MAMDC4: variants seen among roughly 807,000 people sequenced by gnomAD.
The protein encoded by MAMDC4 is MAM domain containing 4.
A neutral mutation model predicts 153.3 loss-of-function variants in MAMDC4; 168 were observed. That is an observed-to-expected ratio of 1.10 (90% CI 0.97 to 1.25). MAMDC4 has a LOEUF of 1.25. MAMDC4 is among the 50% of genes most tolerant of loss of function. The pLI is 0.00. For missense variants in MAMDC4, 1,701 were observed against 1,542.8 expected, an observed-to-expected ratio of 1.10 and a Z score of -1.72; for synonymous variants, 744 against 651.5, an observed-to-expected ratio of 1.14 and a Z score of -2.16.
rs573715680 is a variant in MAMDC4 at position 136,855,292 on chromosome 9, G to T, written c.1236G>T (p.Val412=). 1 of 1,605,376 alleles carries T rather than the reference G, an allele frequency of 6.2e-7. No individual in the cohort carries two copies. Residue 412 remains valine (V), a synonymous_variant, in exon 11 of 27, where the codon GTG becomes GTT. Coordinates refer to ENST00000317446, the MANE Select transcript of MAMDC4 (RefSeq NM_206920.3). ...GGCAGACAGGCCCGGGGGGCGTCGT[G>T]GGTCTGGACGACCTCATCCTGTCTG... is the stretch of plus-strand genomic sequence containing the variant. ...LAGQTGPGGV[V]GLDDLILSDH...
intron 22 of MAMDC4, 68 bp downstream of exon 22, chr9:136,858,614 G>A: frequency 1.4e-5 from 22 of 1,583,036 alleles, no homozygotes; most frequent in Non-Finnish European, 1.8e-5. Context: ...CCCACCCACA[G>A]AGTACATGCC....
At chr9:136,857,923 C>G in intron 19 of MAMDC4, 56 bp from the exon 20 acceptor site, 1 of 1,472,978 alleles carries the variant, frequency 6.8e-7, no homozygotes, top group African/African-American at 1.4e-5. Flanking sequence ...GGAGCTCAGA[C>G]CAGGGCCTGC....
chr9:136,855,776 G>A lies in MAMDC4; in HGVS notation c.1516G>A (p.Ala506Thr), dbSNP rs374699909. Residue 506 changes from alanine (A) to threonine (T), a missense_variant, in exon 13 of 27, where the codon GCC becomes ACC. Ala to Thr is a moderately conservative substitution (Grantham distance 58). Transcript: ENST00000317446. Reference sequence around the variant, plus strand: ...CCCCGAGGCTGGGGGCTGGGAGGACGCCAGCGTGGGGCGGCTGCAGTGGCG... The same window carrying A: ...CCCCGAGGCTGGGGGCTGGGAGGACACCAGCGTGGGGCGGCTGCAGTGGCG... ...ESPEAGGWED[A>T]SVGRLQWRRV... 14 of 1,563,590 alleles carry A rather than the reference G, an allele frequency of 9.0e-6. No homozygotes were observed. Among genetic ancestry groups the A allele is most frequent in the Non-Finnish European group, 1.1e-5 (13 of 1,155,216 alleles).
Position 136,855,466 on chromosome 9 carries a change from C to G in MAMDC4, c.1318C>G (p.Arg440Gly). ...CCTGCAGCCGCTGCCTCCTGGGCCC[C>G]GGGCCCCAGCCCCCCAGCCCCTGCC... The part of the protein sequence containing the change: ...STLQPLPPGP[R>G]APAPQPLPPS... The change falls in exon 12 of 27, where the codon CGG becomes GGG. Residue 440 changes from arginine to glycine, a missense_variant. Physicochemically the swap from Arg to Gly is moderately radical, Grantham distance 125. Transcript: ENST00000317446. 1.2e-6 allele frequency: 2 copies of G among 1,607,556 alleles called. No individual in the cohort carries two copies. The highest frequency in any genetic ancestry group is 1.7e-6 in the Non-Finnish European group (2 of 1,177,740).
intron 14 of MAMDC4, 114 bp downstream of exon 14, chr9:136,856,263 T>A: frequency 6.5e-7 from 1 of 1,536,504 alleles, no homozygotes; most frequent in Non-Finnish European, 9.0e-7. Flanking sequence ...CCAGGCTTCC[T>A]GGCACTAGTT....
intron 25 of MAMDC4, 116 bp from the exon 26 acceptor site, chr9:136,859,770 T>C (rs1004083675): frequency 2.2e-5 from 24 of 1,078,538 alleles, no homozygotes; most frequent in Non-Finnish European, 3.1e-5. Context: ...GCCTTTGAAA[T>C]AGGGGTGAAC....
At position 136,856,201 on chromosome 9, in the gene MAMDC4, C is replaced by T. The variant is rs746065485; in HGVS notation, c.1720+52C>T. ...GGCCAGCCCCTGGGTGCTCCCTGCA[C>T]AGTGGGAGGGGTCTGGGGCCGGGTG... On this transcript the variant is annotated intron_variant, in intron 14 of 26. Transcript: ENST00000317446. 3.1e-6 allele frequency: 5 copies of T among 1,611,662 alleles called. No homozygotes were observed. The East Asian group carries it at 1.1e-4, about 36-fold the overall frequency.
At chr9:136,856,574 A>AG (rs768076383) in intron 14 of MAMDC4, 136 bp from the exon 15 acceptor site, 2 of 854,220 alleles carry the variant, frequency 2.3e-6, no homozygotes, top group Non-Finnish European at 4.1e-6. Context: ...AGAGAGACAG[A>AG]GGTTCCTGCT....
At chr9:136,858,617 T>C (rs1849042732) in intron 22 of MAMDC4, 71 bp downstream of exon 22, 3 of 1,591,212 alleles carry the variant, frequency 1.9e-6, no homozygotes, top group Non-Finnish European at 2.6e-6. Flanking sequence ...ACCCACAGAG[T>C]ACATGCCCCA....
intron 20 of MAMDC4, 25 bp downstream of exon 20, chr9:136,858,122 C>A: frequency 6.6e-7 from 1 of 1,519,920 alleles, no homozygotes; most frequent in Non-Finnish European, 8.8e-7. Flanking sequence ...GGGTGCCCCT[C>A]CCCCTCCCCC....
intron 12 of MAMDC4, 54 bp downstream of exon 12, chr9:136,855,673 C>T (rs908118580): frequency 1.9e-5 from 29 of 1,566,430 alleles, no homozygotes; most frequent in Admixed American, 1.7e-4. Flanking sequence ...AGGGGGTAGG[C>T]GCCGGGGCAG....
chr9:136,858,591 T>A (rs767570816), intron 22 of MAMDC4, 45 bp downstream of exon 22: 1 of 1,569,352 alleles, frequency 6.4e-7, no homozygotes, highest in African/African-American at 1.4e-5. Flanking sequence ...CACAGCCACC[T>A]GGCCTCCTGC....
chr9:136,856,957 G>A lies in MAMDC4; in HGVS notation c.1888G>A (p.Ala630Thr). Residue 630 changes from alanine (A) to threonine (T), a missense_variant, in exon 16 of 27, where the codon GCC becomes ACC. Coordinates refer to ENST00000317446, the MANE Select transcript of MAMDC4 (RefSeq NM_206920.3). ...PTDPLAWGHS[A>T]HLLSRPQVPA... Reference sequence around the variant, plus strand: ...AGACCCCCTGGCCTGGGGCCACAGTGCCCACCTGCTCTCCAGGCCCCAGGT... The same window carrying A: ...AGACCCCCTGGCCTGGGGCCACAGTACCCACCTGCTCTCCAGGCCCCAGGT... The A allele has an allele frequency of 6.2e-7, 1 of 1,612,198 alleles. No homozygotes were observed. The highest frequency in any genetic ancestry group is 8.5e-7 in the Non-Finnish European group (1 of 1,179,630).
intron 23 of MAMDC4, 63 bp from the exon 24 acceptor site, chr9:136,858,942 C>T: frequency 3.3e-6 from 5 of 1,526,576 alleles, no homozygotes; most frequent in Non-Finnish European, 4.4e-6. Flanking sequence ...CCCAGCCCGC[C>T]CCTGGTTAGG....
rs763448155 is a variant in MAMDC4 at position 136,856,148 on chromosome 9, A to T, written c.1719A>T (p.Arg573=). The part of the protein sequence containing the change: ...HLAYYLQSQP[R]EVSCNFERDT... ...CTTATTATTTACAGAGCCAGCCCCG[A>T]GGTACCGCCACACTCCGCAAGTTCC... is the stretch of plus-strand genomic sequence containing the variant. Residue 573 remains arginine, a splice_region_variant and synonymous_variant, in exon 14 of 27, where the codon CGA becomes CGT. Coordinates refer to ENST00000317446, the MANE Select transcript of MAMDC4 (RefSeq NM_206920.3). 1 of 1,611,970 alleles carries T rather than the reference A, an allele frequency of 6.2e-7. No individual in the cohort carries two copies. The highest frequency in any genetic ancestry group is 2.2e-5 in the East Asian group (1 of 44,842).
At chr9:136,855,409 G>C (rs1037001271) in intron 11 of MAMDC4, 22 bp from the exon 12 acceptor site, 1 of 1,604,724 alleles carries the variant, frequency 6.2e-7, no homozygotes, top group East Asian at 2.2e-5. Context: ...CCTGCCTCCT[G>C]ACACCAGTTC....
In MAMDC4 at chr9:136,857,491, C is replaced by G. The variant is rs776665084; in HGVS notation, c.2231C>G (p.Ser744Cys). 3.1e-6 allele frequency: 5 copies of G among 1,609,856 alleles called. No homozygotes were observed. The Admixed American group carries it at 6.7e-5, about 21-fold the overall frequency. ...CSFEDSDCGF[S>C]PGGQGLWRRQ... is the part of the protein sequence containing the mutation. ...TTTGAGGACTCAGACTGCGGCTTCT[C>G]CCCTGGAGGCCAAGGTCTCTGGAGG... The change falls in exon 18 of 27, where the codon TCC (serine) becomes TGC (cysteine). Residue 744 changes from serine to cysteine, a missense_variant. Transcript: ENST00000317446.
At position 136,860,001 on chromosome 9, in the gene MAMDC4, C is replaced by T. The variant is rs780508653; in HGVS notation, c.3309C>T (p.Ser1103=). 9 of 1,611,850 alleles carry T rather than the reference C, an allele frequency of 5.6e-6. No homozygotes were observed. Among genetic ancestry groups the T allele is most frequent in the Non-Finnish European group, 7.6e-6 (9 of 1,179,454 alleles). Residue 1103 remains serine (S), a synonymous_variant, in exon 26 of 27, where the codon AGC becomes AGT. Transcript: ENST00000317446. ...GGRRWLQKKG[S]CPFQSNTEAT... The stretch of plus-strand genomic sequence containing the variant: ...GGCGCTGGCTGCAGAAGAAGGGGAG[C>T]TGCCCCTTCCAGAGCAACACAGAGG...
chr9:136,854,762 G>C lies in MAMDC4; in HGVS notation c.935G>C (p.Gly312Ala). The change falls in exon 9 of 27, where the codon GGC (glycine) becomes GCC (alanine). Residue 312 changes from glycine to alanine, a missense_variant and splice_region_variant. Physicochemically the swap from Gly to Ala is moderately conservative, Grantham distance 60. Transcript: ENST00000317446. ...RRDHSRNSAQ[G>A]SFLVSVAEPG... ...GGCCCACTCCCGTCCTTTCCCGCAG[G>C]CTCCTTCCTGGTCTCCGTGGCCGAG... 1.2e-6 allele frequency: 2 copies of C among 1,612,740 alleles called. No homozygotes were observed. The highest frequency in any genetic ancestry group is 8.5e-7 in the Non-Finnish European group (1 of 1,179,870).
Sources: allele counts gnomAD v4.1 joint callset, GRCh38; gene constraint gnomAD v4.1.1; transcripts MANE v1.5; gene names NCBI Gene and HGNC (gene_info 2026-07-23, HGNC 2026-07-21).